Variants in UBR4 observed in about 807,000 individuals in gnomAD.
The protein encoded by UBR4 is ubiquitin protein ligase E3 component n-recognin 4.
A neutral mutation model predicts 575.6 loss-of-function variants in UBR4; 124 were observed. The ratio of observed to expected loss-of-function variants is 0.22; its 90% CI spans 0.19 to 0.25. UBR4 has a LOEUF of 0.25. UBR4 is among the 10% of genes least tolerant of loss of function. The pLI is 1.00. For missense variants in UBR4, 4,818 were observed against 6,478.8 expected (o/e 0.74, Z 8.80); for synonymous variants, 2,455 against 2,473.7 (o/e 0.99, Z 0.22).
At chr1:19,075,556 A>C (rs2075846056) in intron 105 of UBR4, 1 of 157,288 alleles carries the variant, frequency 6.4e-6, no homozygotes, top group Non-Finnish European at 1.4e-5. Flanking sequence ...TGGTGGAGTT[A>C]ACAAACACAC....
In UBR4 at chr1:19,074,578, G is replaced by T; in HGVS notation, c.*254C>A. 1.9e-6 allele frequency: 1 copy of T among 540,510 alleles called. No individual in the cohort carries two copies. Among genetic ancestry groups the T allele is most frequent in the Non-Finnish European group, 3.3e-6 (1 of 299,098 alleles). 33.5% of individuals were successfully genotyped at this position (540,510 alleles called of 1,614,324 possible). On this transcript the variant is annotated 3_prime_UTR_variant, in exon 106 of 106. Coordinates refer to ENST00000375254, the MANE Select transcript of UBR4 (RefSeq NM_020765.3). ...CACACTCAAGTATGAAGCTGGCCGG[G>T]ACAACTCATGGCTCCTAGGTATGTA...
intron 99 of UBR4, 69 bp downstream of exon 99, chr1:19,087,747 G>C: frequency 1.5e-6 from 2 of 1,297,532 alleles, no homozygotes; most frequent in Non-Finnish European, 2.2e-6. Flanking sequence ...GCCTGGAGGA[G>C]GGGGATGCTA....
chr1:19,109,463 T>C (rs2079596162), intron 81 of UBR4, among the ~76,000 whole-genome samples: 1 of 152,186 alleles, frequency 6.6e-6, no homozygotes, highest in African/African-American at 2.4e-5. Flanking sequence ...ACAGCTAGCC[T>C]AGTAGAGAAC....
intron 68 of UBR4, among the ~76,000 whole-genome samples, chr1:19,120,841 A>G (rs2081095360): frequency 6.6e-6 from 1 of 152,218 alleles, no homozygotes; most frequent in Non-Finnish European, 1.5e-5. Flanking sequence ...GAGAGCTAAC[A>G]TTTACTGAGC....
chr1:19,104,593 C>T lies in UBR4; in HGVS notation c.12719G>A (p.Ser4240Asn). The stretch of plus-strand genomic sequence containing the variant: ...TCCAGGTGGCTCTTTACCTGTGAGA[C>T]TTTTAAGGGCATAACCCTGCTGCAG... Reference protein sequence around the residue: ...TDLQQGYALKSLTGLLSSFVE... With the variant: ...TDLQQGYALKNLTGLLSSFVE... The change falls in exon 86 of 106, where the codon AGT (serine) becomes AAT (asparagine). Residue 4240 changes from serine (S) to asparagine (N), a missense_variant. Transcript: ENST00000375254. 1 of 1,614,100 alleles carries T rather than the reference C, an allele frequency of 6.2e-7. No homozygotes were observed. The highest frequency in any genetic ancestry group is 8.5e-7 in the Non-Finnish European group (1 of 1,179,992).
At position 19,185,663 on chromosome 1, in the gene UBR4, T is replaced by C. The variant is rs1571603367; in HGVS notation, c.1751-377A>G. 2.0e-5 allele frequency among the ~76,000 whole-genome samples: 3 copies of C among 147,250 alleles called. No individual in the cohort carries two copies. In the South Asian group the frequency reaches 6.5e-4, roughly 32 times the overall value. The stretch of plus-strand genomic sequence containing the variant: ...ATATTGGCTCGCCGCAACCTCCACC[T>C]CCCAGGTTCAAGCGATTCTCCTGCC... On this transcript the variant is annotated intron_variant, in intron 14 of 105. Coordinates refer to ENST00000375254, the MANE Select transcript of UBR4 (RefSeq NM_020765.3).
intron 35 of UBR4, among the ~76,000 whole-genome samples, 184 bp downstream of exon 35, chr1:19,162,236 C>A (rs371183211): frequency 6.6e-6 from 1 of 152,186 alleles, no homozygotes; most frequent in African/African-American, 2.4e-5. Context: ...ATGAAAAAGT[C>A]CTTTCCACAA....
chr1:19,143,927 C>T, intron 55 of UBR4, 53 bp downstream of exon 55: 8 of 1,550,060 alleles, frequency 5.2e-6, no homozygotes, highest in Non-Finnish European at 6.2e-6. Flanking sequence ...GTACCTCCCT[C>T]TCTCCCCTCC....
chr1:19,165,286 G>A lies in UBR4; in HGVS notation c.4275C>T (p.Asn1425=), dbSNP rs1329838397. 6.2e-7 allele frequency: 1 copy of A among 1,614,192 alleles called. No homozygotes were observed. Residue 1425 remains asparagine, a synonymous_variant, in exon 31 of 106, where the codon AAC becomes AAT. Coordinates refer to ENST00000375254, the MANE Select transcript of UBR4 (RefSeq NM_020765.3). ...ANENLSAKFC[N]RVLKFFTKLF... ...GTTTGGTGAAGAATTTCAAAACTCG[G>A]TTACAGAATTTAGCAGAGAGGTTCT... is the stretch of plus-strand genomic sequence containing the variant.
chr1:19,165,903 T>C, intron 29 of UBR4, 146 bp from the exon 30 acceptor site: 1 of 631,060 alleles, frequency 1.6e-6, no homozygotes, highest in Non-Finnish European at 2.7e-6. Context: ...ACATAAAGCC[T>C]GGCACAAAGT....
intron 29 of UBR4, among the ~76,000 whole-genome samples, 190 bp downstream of exon 29, chr1:19,166,832 G>C (rs974293047): frequency 6.6e-6 from 1 of 150,496 alleles, no homozygotes; most frequent in Admixed American, 6.6e-5. Flanking sequence ...CTTGAGCCCC[G>C]GAGGCAGAGG....
At position 19,210,068 on chromosome 1, in the gene UBR4, G is replaced by T. The variant is rs776311861; in HGVS notation, c.176+5C>A. 2 of 1,549,504 alleles carry T rather than the reference G, an allele frequency of 1.3e-6. No individual in the cohort carries two copies. The highest frequency in any genetic ancestry group is 1.7e-6 in the Non-Finnish European group (2 of 1,149,722). On this transcript the variant is annotated splice_donor_5th_base_variant and intron_variant, in intron 1 of 105. Coordinates refer to ENST00000375254, the MANE Select transcript of UBR4 (RefSeq NM_020765.3). Reference sequence around the variant, plus strand: ...GCGTCGCCCGCCAGAGCCGCCGCCCGGTACCTCTCGATGACTGAGGCCACC... The same window carrying T: ...GCGTCGCCCGCCAGAGCCGCCGCCCTGTACCTCTCGATGACTGAGGCCACC...
chr1:19,100,708 G>T lies in UBR4; in HGVS notation c.13024-135C>A, dbSNP rs2078536119. The T allele has an allele frequency of 1.2e-6, 1 of 814,864 alleles. No individual in the cohort carries two copies. The highest frequency in any genetic ancestry group is 1.9e-6 in the Non-Finnish European group (1 of 523,268). The allele number at this position is 814,864 out of a possible 1,614,324, so 50.5% of individuals were successfully genotyped here. The stretch of plus-strand genomic sequence containing the variant: ...CCCCCAAACATTTAAAGATACAAAG[G>T]ACAGGAAACTCAGAGGTACTTCCAA... On this transcript the variant is annotated intron_variant, in intron 88 of 105. Coordinates refer to ENST00000375254, the MANE Select transcript of UBR4 (RefSeq NM_020765.3). This position sits in a 1 kb window ranked among gnomAD's most constrained non-coding sequence, Gnocchi z 4.2.
intron 28 of UBR4, 97 bp downstream of exon 28, chr1:19,167,930 A>G: frequency 7.7e-7 from 1 of 1,301,412 alleles, no homozygotes; most frequent in Non-Finnish European, 1.0e-6. Flanking sequence ...AGTATATAAG[A>G]AAGCATTACT....
intron 35 of UBR4, among the ~76,000 whole-genome samples, 196 bp downstream of exon 35, chr1:19,162,224 T>C (rs937349674): frequency 6.6e-6 from 1 of 152,204 alleles, no homozygotes; most frequent in African/African-American, 2.4e-5. Flanking sequence ...TGGAAAAAGC[T>C]TATGAAAAAG....
At chr1:19,077,160 G>A (rs1557453868) in intron 104 of UBR4, among the ~76,000 whole-genome samples, 1 of 152,048 alleles carries the variant, frequency 6.6e-6, no homozygotes, top group East Asian at 1.9e-4. Context: ...TTCCCTCCCC[G>A]TACACTTCCC....
At position 19,162,592 on chromosome 1, in the gene UBR4, C is replaced by T. The variant is rs1369867498; in HGVS notation, c.4784G>A (p.Cys1595Tyr). 1 of 1,613,624 alleles carries T rather than the reference C, an allele frequency of 6.2e-7. No individual in the cohort carries two copies. The highest frequency in any genetic ancestry group is 8.5e-7 in the Non-Finnish European group (1 of 1,179,854). ...CAAGTAAGACATGATATGGCATGTG[C>T]ACTCCAAGATCATCACATGCTGTAA... ...MHGKHVMILECTCHIMSYLAD... is the reference protein window; with the variant it reads ...MHGKHVMILEYTCHIMSYLAD... Residue 1595 changes from cysteine (C) to tyrosine (Y), a missense_variant, in exon 35 of 106, where the codon TGC becomes TAC. By Grantham distance (194) the Cys-to-Tyr change is radical (BLOSUM62 -2). Coordinates refer to ENST00000375254, the MANE Select transcript of UBR4 (RefSeq NM_020765.3).
At chr1:19,193,310 G>T in intron 9 of UBR4, 123 bp downstream of exon 9, 1 of 1,357,064 alleles carries the variant, frequency 7.4e-7, no homozygotes, top group Non-Finnish European at 1.0e-6. Flanking sequence ...ACCTACTAGT[G>T]CCCAGGGAAA....
Position 19,074,847 on chromosome 1 carries a change from C to G in UBR4, c.15537G>C (p.Leu5179Phe). The G allele has an allele frequency of 6.2e-7, 1 of 1,614,106 alleles. No individual in the cohort carries two copies. Among genetic ancestry groups the G allele is most frequent in the South Asian group, 1.1e-5 (1 of 91,036 alleles). ...TDPESFLKDL[L>F]NSVP is the part of the protein sequence containing the mutation. ...TGTGTGGTGGTCAGGGGACTGAGTT[C>G]AACAGGTCCTTCAGGAAGCTCTCTG... Residue 5179 changes from leucine to phenylalanine, a missense_variant, in exon 106 of 106, where the codon TTG (leucine) becomes TTC (phenylalanine). Physicochemically the swap from Leu to Phe is conservative, Grantham distance 22. Around this residue, in one of 29 missense-constraint regions of UBR4, gnomAD observed 212 missense variants for 221.3 expected, o/e 0.96. Transcript: ENST00000375254.
Sources: allele counts gnomAD v4.1 joint callset (sites outside exome capture counted in the v4.1 genomes callset), GRCh38; gene constraint gnomAD v4.1.1; regional missense constraint gnomAD v4.1.1; non-coding constraint Gnocchi (gnomAD v3.1); transcripts MANE v1.5; gene names NCBI Gene and HGNC (gene_info 2026-07-23, HGNC 2026-07-21).